Variants in PCDHGA4 observed in about 807,000 individuals in gnomAD.
PCDHGA4 encodes the protein protocadherin gamma subfamily A, 4, also known as protocadherin gamma-A4.
A neutral mutation model predicts 54.6 loss-of-function variants in PCDHGA4; 38 were observed. The ratio of observed to expected loss-of-function variants is 0.70; its 90% CI spans 0.54 to 0.91. PCDHGA4 has a LOEUF of 0.91. Ranked by LOEUF, PCDHGA4 falls within the 40% of genes least tolerant of loss-of-function variation. The probability of loss-of-function intolerance (pLI) is 0.00; values close to 1 mark genes in which losing one functional copy is unlikely to be tolerated. For missense variants in PCDHGA4, 1,298 were observed against 1,220.9 expected (o/e 1.06, Z -0.94); for synonymous variants, 511 against 512.9 (o/e 1.00, Z 0.05).
At position 141,356,861 on chromosome 5, in the gene PCDHGA4, A is replaced by C. The variant is rs754992858; in HGVS notation, c.1754A>C (p.Asp585Ala). Residue 585 changes from aspartate to alanine, a missense_variant, in exon 1 of 4, where the codon GAC becomes GCC. Physicochemically the swap from Asp to Ala is moderately radical, Grantham distance 126. Coordinates refer to ENST00000571252, the MANE Select transcript of PCDHGA4 (RefSeq NM_018917.4). The stretch of plus-strand genomic sequence containing the variant: ...GTGTCACTGAGCCTCTTTGTGCTGG[A>C]CCAGAACGACAATGTCCCTGAGATC... Reference protein sequence around the residue: ...SNVSLSLFVLDQNDNVPEILY... With the variant: ...SNVSLSLFVLAQNDNVPEILY... The C allele has an allele frequency of 1.2e-5, 20 of 1,614,030 alleles. No individual in the cohort carries two copies. The highest frequency in any genetic ancestry group is 1.7e-5 in the Non-Finnish European group (20 of 1,180,028).
intron 3 of PCDHGA4, 87 bp from the exon 4 acceptor site, chr5:141,510,854 TGTATAG>T: frequency 6.2e-7 from 1 of 1,602,320 alleles, no homozygotes; most frequent in Non-Finnish European, 8.5e-7. Flanking sequence ...CCCAGGGTGC[TGTATAG>T]GCATTCATTA....
At chr5:141,372,205 T>C (rs750507972) in intron 1 of PCDHGA4, 2 of 1,613,426 alleles carry the variant, frequency 1.2e-6, no homozygotes, top group African/African-American at 2.7e-5. Context: ...AACGCCTGGC[T>C]GTCCTACCAC....
chr5:141,474,083 A>G (rs771906750), intron 1 of PCDHGA4, among the ~76,000 whole-genome samples: 2 of 152,190 alleles, frequency 1.3e-5, no homozygotes, highest in African/African-American at 2.4e-5. Flanking sequence ...AACAAAAACC[A>G]AAAAACAAAC....
chr5:141,503,608 A>G (rs1451651299), intron 2 of PCDHGA4, among the ~76,000 whole-genome samples: 3 of 151,994 alleles, frequency 2.0e-5, no homozygotes, highest in South Asian at 2.1e-4. Flanking sequence ...CAAAAAAAAA[A>G]AAAAAAGAAA....
At chr5:141,389,918 C>T (rs1341057088) in intron 1 of PCDHGA4, 1 of 1,614,086 alleles carries the variant, frequency 6.2e-7, no homozygotes, top group Non-Finnish European at 8.5e-7. Context: ...ACCGCCCCGA[C>T]CCCTCTGACC....
chr5:141,484,068 G>C (rs1287427208), intron 1 of PCDHGA4, among the ~76,000 whole-genome samples: 1 of 152,114 alleles, frequency 6.6e-6, no homozygotes, highest in African/African-American at 2.4e-5. Flanking sequence ...TAAGTGAAAA[G>C]CTTGCTCTTT....
At chr5:141,383,111 GGAC>G in intron 1 of PCDHGA4, 1 of 1,614,040 alleles carries the variant, frequency 6.2e-7, no homozygotes, top group South Asian at 1.1e-5. Context: ...TCCAGAGGTA[GGAC>G]GCAGCTTTTC....
chr5:141,437,782 A>C (rs1410096491), intron 1 of PCDHGA4, among the ~76,000 whole-genome samples: 1 of 151,512 alleles, frequency 6.6e-6, no homozygotes, highest in African/African-American at 2.4e-5. Context: ...TCTGTCGCCA[A>C]GCTGGAGTGC....
intron 1 of PCDHGA4, chr5:141,384,170 C>A: frequency 6.2e-7 from 1 of 1,613,736 alleles, no homozygotes; most frequent in Non-Finnish European, 8.5e-7. Flanking sequence ...ACACTGAAAG[C>A]CACAGATGGT....
rs1561863583 is a variant in PCDHGA4, at chr5:141,432,685, C to A, written c.2515-62122C>A. Reference sequence around the variant, plus strand: ...ACAGAGACGCGCTCAAGCAGAGCCTCGTAGTGGCCGTCCAGGACCACGGCC... The same window carrying A: ...ACAGAGACGCGCTCAAGCAGAGCCTAGTAGTGGCCGTCCAGGACCACGGCC... On this transcript the variant is annotated intron_variant, in intron 1 of 3. Transcript: ENST00000571252. The surrounding 1 kb of genome is among the most constrained non-coding windows in gnomAD (Gnocchi z 6.0). 3.7e-6 allele frequency: 6 copies of A among 1,613,932 alleles called. No individual in the cohort carries two copies. Among genetic ancestry groups the A allele is most frequent in the Non-Finnish European group, 5.1e-6 (6 of 1,179,966 alleles).
intron 1 of PCDHGA4, chr5:141,364,370 C>G: frequency 6.4e-7 from 1 of 1,570,908 alleles, no homozygotes; most frequent in South Asian, 1.2e-5. Flanking sequence ...CGGAGAGCTG[C>G]TGCTGCCCTT....
chr5:141,404,165 T>C, intron 1 of PCDHGA4: 1 of 1,613,246 alleles, frequency 6.2e-7, no homozygotes, highest in South Asian at 1.1e-5. Flanking sequence ...TTACAGATTG[T>C]TGACGGCCCA....
At chr5:141,405,114 C>T in intron 1 of PCDHGA4, 1 of 1,613,970 alleles carries the variant, frequency 6.2e-7, no homozygotes, top group Non-Finnish European at 8.5e-7. Flanking sequence ...CACTGGCACT[C>T]CTCGCATCTG....
Position 141,485,979 on chromosome 5 carries a change from C to T in PCDHGA4, c.2515-8828C>T. ...CTCATCCAGCTCAATGCCTCAGACC[C>T]GGACCTGGGTCCCAGTGGTAACGTC... is the stretch of plus-strand genomic sequence containing the variant. On this transcript the variant is annotated intron_variant, in intron 1 of 3. Coordinates refer to ENST00000571252, the MANE Select transcript of PCDHGA4 (RefSeq NM_018917.4). The surrounding 1 kb of genome is among the most constrained non-coding windows in gnomAD (Gnocchi z 5.7). The T allele has an allele frequency of 1.2e-6, 2 of 1,614,182 alleles. No individual in the cohort carries two copies. The highest frequency in any genetic ancestry group is 1.7e-6 in the Non-Finnish European group (2 of 1,180,022).
At position 141,485,221 on chromosome 5, in the gene PCDHGA4, C is replaced by A; in HGVS notation, c.2515-9586C>A. 4 of 1,614,118 alleles carry A rather than the reference C, an allele frequency of 2.5e-6. No individual in the cohort carries two copies. The highest frequency in any genetic ancestry group is 2.2e-5 in the East Asian group (1 of 44,868). ...GGACAGAAATCTGGCGGTGGGCTAC[C>A]CTTTTGTTCCTCTTTTACCACCTGG... On this transcript the variant is annotated intron_variant, in intron 1 of 3. Coordinates refer to ENST00000571252, the MANE Select transcript of PCDHGA4 (RefSeq NM_018917.4). The surrounding 1 kb of genome is among the most constrained non-coding windows in gnomAD (Gnocchi z 5.7).
At chr5:141,454,320 C>G (rs140074578) in intron 1 of PCDHGA4, among the ~76,000 whole-genome samples, 4 of 152,148 alleles carry the variant, frequency 2.6e-5, no homozygotes, top group Admixed American at 2.6e-4. Context: ...ATTGAAACCT[C>G]CAAGAATAAA....
At chr5:141,419,146 G>A in intron 1 of PCDHGA4, 1 of 1,613,922 alleles carries the variant, frequency 6.2e-7, no homozygotes, top group Non-Finnish European at 8.5e-7. Context: ...ACAGGGGCAA[G>A]CCTCCGTTAT....
At chr5:141,449,630 T>A (rs1006977026) in intron 1 of PCDHGA4, among the ~76,000 whole-genome samples, 6 of 150,024 alleles carry the variant, frequency 4.0e-5, no homozygotes, top group Non-Finnish European at 8.9e-5. Flanking sequence ...TTTAAAAAGA[T>A]GTATCTATAT....
chr5:141,399,944 A>C, intron 1 of PCDHGA4: 1 of 1,612,254 alleles, frequency 6.2e-7, no homozygotes, highest in Non-Finnish European at 8.5e-7. Context: ...CACGTGCTGC[A>C]GGCTAGCGAG....
Sources: allele counts gnomAD v4.1 joint callset (sites outside exome capture counted in the v4.1 genomes callset), GRCh38; gene constraint gnomAD v4.1.1; non-coding constraint Gnocchi (gnomAD v3.1); transcripts MANE v1.5; gene names NCBI Gene and HGNC (gene_info 2026-07-23, HGNC 2026-07-21).